Variants in FOXN3 observed in about 807,000 individuals in gnomAD.
FOXN3 encodes the protein forkhead box protein N3.
A neutral mutation model predicts 38.4 loss-of-function variants in FOXN3; 7 were observed. The observed-to-expected ratio is 0.18, with a 90% CI of 0.10 to 0.34. The LOEUF is 0.34. Among genes scored for constraint, FOXN3 ranks in the 10% least tolerant of loss-of-function variants. The pLI is 1.00. For missense variants in FOXN3, 456 were observed against 613.4 expected, an observed-to-expected ratio of 0.74 and a Z score of 2.71; for synonymous variants, 230 against 242.2, an observed-to-expected ratio of 0.95 and a Z score of 0.47.
At chr14:89,187,405 A>G (rs1011035109) in intron 4 of FOXN3, among the ~76,000 whole-genome samples, 3 of 152,188 alleles carry the variant, frequency 2.0e-5, no homozygotes, top group African/African-American at 7.2e-5. Context: ...CAACCTAGAG[A>G]AGACCTGGGA....
chr14:89,573,091 C>T (rs76786126), intron 1 of FOXN3, among the ~76,000 whole-genome samples: 44 of 152,298 alleles, frequency 2.9e-4, no homozygotes, highest in African/African-American at 8.2e-4. Context: ...GAAGGAGGTG[C>T]GTCACCTAGT....
chr14:89,346,442 G>A (rs957403088), intron 3 of FOXN3, among the ~76,000 whole-genome samples: 4 of 152,164 alleles, frequency 2.6e-5, no homozygotes, highest in Non-Finnish European at 5.9e-5. Context: ...TTGGGGCTTT[G>A]AGGAGTGAGG....
intron 1 of FOXN3, among the ~76,000 whole-genome samples, chr14:89,514,363 G>A (rs913884919): frequency 3.3e-5 from 5 of 152,304 alleles, no homozygotes; most frequent in Non-Finnish European, 5.9e-5. Context: ...AGACCTTAGC[G>A]TCTGTGATGG....
intron 2 of FOXN3, among the ~76,000 whole-genome samples, chr14:89,384,254 T>A (rs8015431): frequency 2.6e-5 from 4 of 152,332 alleles, no homozygotes; most frequent in Middle Eastern, 3.4e-3. Context: ...GCGTGGCATG[T>A]GGGAGAGGAG....
intron 1 of FOXN3, among the ~76,000 whole-genome samples, chr14:89,611,915 C>A (rs1395516045): frequency 6.6e-6 from 1 of 152,126 alleles, no homozygotes; most frequent in Admixed American, 6.6e-5. Context: ...AATCCTATTT[C>A]CGGTGGGAAT....
chr14:89,403,606 A>G (rs947699640), intron 2 of FOXN3, among the ~76,000 whole-genome samples: 1 of 152,262 alleles, frequency 6.6e-6, no homozygotes, highest in African/African-American at 2.4e-5. Context: ...ATCCCAGCCC[A>G]ATGGGGAAGG....
At chr14:89,396,868 T>C (rs1417143510) in intron 2 of FOXN3, among the ~76,000 whole-genome samples, 2 of 146,452 alleles carry the variant, frequency 1.4e-5, no homozygotes, top group East Asian at 2.1e-4. Context: ...ATGAGAAATA[T>C]GCTGCAGTAG....
intron 3 of FOXN3, among the ~76,000 whole-genome samples, chr14:89,342,285 A>G (rs2139998978): frequency 6.6e-6 from 1 of 152,366 alleles, no homozygotes; most frequent in Non-Finnish European, 1.5e-5. Flanking sequence ...ATGAAATTGG[A>G]TGACTGGGCA....
chr14:89,509,324 TTG>T (rs556116137), intron 1 of FOXN3, among the ~76,000 whole-genome samples: 18 of 83,542 alleles, frequency 2.2e-4, no homozygotes, highest in Non-Finnish European at 5.9e-4. Flanking sequence ...ACAGTTTTTT[TTG>T]TTGTTGTTTG....
intron 1 of FOXN3, among the ~76,000 whole-genome samples, chr14:89,588,027 G>C (rs527755089): frequency 6.6e-6 from 1 of 152,128 alleles, no homozygotes; most frequent in Non-Finnish European, 1.5e-5. Context: ...CAGTGTTGGA[G>C]ATGGAGCCTG....
intron 2 of FOXN3, 50 bp downstream of exon 2, chr14:89,411,884 A>G: frequency 8.1e-7 from 1 of 1,230,988 alleles, no homozygotes; most frequent in Non-Finnish European, 1.1e-6. Context: ...GAAAAATTTT[A>G]AATTAAAAAA....
chr14:89,425,351 G>A (rs1461128573), intron 1 of FOXN3, among the ~76,000 whole-genome samples: 1 of 151,612 alleles, frequency 6.6e-6, no homozygotes, highest in Non-Finnish European at 1.5e-5. Flanking sequence ...TTACAGGCAT[G>A]AGCCACTGCG....
chr14:89,408,510 T>C lies in FOXN3; in HGVS notation c.543+3424A>G, dbSNP rs4904567. ...CTCAAGCAATCCTCCCGCCTTGGCC[T>C]CCCAAAGTGCTGGGATTACAGGTGT... On this transcript the variant is annotated intron_variant, in intron 2 of 5. Coordinates refer to ENST00000557258, the MANE Select transcript of FOXN3 (RefSeq NM_005197.4). Among the ~76,000 whole-genome samples, 649 of 151,134 alleles carry C rather than the reference T, an allele frequency of 4.3e-3. 3 individuals carry two copies. The highest frequency in any genetic ancestry group is 0.02 in the Middle Eastern group (6 of 294).
intron 3 of FOXN3, among the ~76,000 whole-genome samples, chr14:89,317,682 G>C (rs1355372131): frequency 6.6e-6 from 1 of 151,972 alleles, no homozygotes; most frequent in African/African-American, 2.4e-5. Context: ...ACCTTTGATT[G>C]CAACAATTGA....
chr14:89,489,931 CT>C (rs1444494396), intron 1 of FOXN3, among the ~76,000 whole-genome samples: 13 of 152,212 alleles, frequency 8.5e-5, no homozygotes, highest in African/African-American at 3.1e-4. Context: ...AGGGCTGGTT[CT>C]TTTCTCAGAT....
intron 1 of FOXN3, among the ~76,000 whole-genome samples, chr14:89,589,459 G>A (rs1301246354): frequency 2.0e-5 from 3 of 152,158 alleles, no homozygotes; most frequent in African/African-American, 7.2e-5. Context: ...GAGCCTGGTC[G>A]TGGTAGTCCT....
intron 1 of FOXN3, among the ~76,000 whole-genome samples, chr14:89,480,394 A>C (rs562407479): frequency 7.0e-6 from 1 of 143,120 alleles, no homozygotes; most frequent in African/African-American, 2.6e-5. Flanking sequence ...GAAGAGCAAA[A>C]CTCTATCTCA....
At chr14:89,522,724 C>T (rs1466241696) in intron 1 of FOXN3, among the ~76,000 whole-genome samples, 2 of 148,360 alleles carry the variant, frequency 1.3e-5, no homozygotes, top group African/African-American at 5.0e-5. Flanking sequence ...AAATAATACA[C>T]AAAGATATAT....
At chr14:89,312,428 T>C (rs1887585801) in intron 3 of FOXN3, among the ~76,000 whole-genome samples, 1 of 151,850 alleles carries the variant, frequency 6.6e-6, no homozygotes, top group Non-Finnish European at 1.5e-5. Flanking sequence ...AAAAAATCTC[T>C]ATCAATTGGA....
Sources: allele counts gnomAD v4.1 joint callset (sites outside exome capture counted in the v4.1 genomes callset), GRCh38; gene constraint gnomAD v4.1.1; transcripts MANE v1.5; gene names NCBI Gene and HGNC (gene_info 2026-07-23, HGNC 2026-07-21).